NUP210L: variants seen among roughly 807,000 people sequenced by gnomAD.
NUP210L encodes the protein nuclear pore membrane glycoprotein 210-like.
A neutral mutation model predicts 208.5 loss-of-function variants in NUP210L; 74 were observed. The ratio of observed to expected loss-of-function variants is 0.35; its 90% confidence interval spans 0.29 to 0.43. The LOEUF (loss-of-function observed/expected upper bound fraction) is 0.43, where lower values mean the gene tolerates loss of function less well. NUP210L is among the 20% of genes least tolerant of loss of function. The probability of loss-of-function intolerance (pLI) is 1.00; values close to 1 mark genes in which losing one functional copy is unlikely to be tolerated. For synonymous variants in NUP210L, 780 were observed against 816.9 expected (o/e 0.95, Z 0.77); for missense variants, 1,843 against 2,289.4 (o/e 0.81, Z 3.98).
At chr1:154,138,080 A>G (rs1658637683) in intron 6 of NUP210L, 26 bp downstream of exon 6, 3 of 1,456,212 alleles carry the variant, frequency 2.1e-6, no homozygotes, top group Non-Finnish European at 1.8e-6. Flanking sequence ...AATGTGAGTC[A>G]TAGGAGAAAA....
chr1:154,023,044 C>T (rs1029630146), intron 31 of NUP210L, 78 bp downstream of exon 31: 9 of 1,326,168 alleles, frequency 6.8e-6, no homozygotes, highest in African/African-American at 4.6e-5. Flanking sequence ...GAGGAATTTA[C>T]TGGAGCTGCT....
At chr1:154,104,868 G>T (rs368302956) in intron 12 of NUP210L, among the ~76,000 whole-genome samples, 4 of 151,912 alleles carry the variant, frequency 2.6e-5, no homozygotes, top group African/African-American at 9.7e-5. Context: ...GGATGCATAT[G>T]ACCTAGTGAG....
At chr1:154,031,475 A>G (rs1233637459) in intron 27 of NUP210L, among the ~76,000 whole-genome samples, 2 of 152,066 alleles carry the variant, frequency 1.3e-5, no homozygotes, top group Non-Finnish European at 2.9e-5. Context: ...TCATTTAATC[A>G]TTTAATCTAA....
exon 10 of NUP210L, chr1:154,126,387 A>G (rs755540820): frequency 6.8e-6 from 11 of 1,613,026 alleles, no homozygotes; most frequent in Non-Finnish European, 9.3e-6. Flanking sequence ...GGCTTTTACT[A>G]TATGGTAAGA....
At chr1:154,141,259 T>A (rs959722143) in intron 4 of NUP210L, among the ~76,000 whole-genome samples, 172 bp downstream of exon 4, 12 of 152,228 alleles carry the variant, frequency 7.9e-5, no homozygotes, top group African/African-American at 2.7e-4. Context: ...GGTACCTACA[T>A]CTATGTCATA....
At chr1:153,995,785 A>C (rs969657927) in intron 37 of NUP210L, 8 of 662,278 alleles carry the variant, frequency 1.2e-5, no homozygotes, top group East Asian at 3.2e-5. Flanking sequence ...GTGCCCAGGC[A>C]GACTTCAAGG....
At chr1:154,037,555 T>C (rs1318186057) in intron 27 of NUP210L, among the ~76,000 whole-genome samples, 2 of 152,204 alleles carry the variant, frequency 1.3e-5, no homozygotes, top group African/African-American at 4.8e-5. Context: ...CTCTTTATTT[T>C]CAGTCTATGT....
chr1:154,082,878 G>T (rs528794030), intron 16 of NUP210L, among the ~76,000 whole-genome samples: 1 of 151,936 alleles, frequency 6.6e-6, no homozygotes, highest in South Asian at 2.1e-4. Flanking sequence ...TCATCATCTC[G>T]CTGGCTTCAG....
At chr1:154,081,276 C>G (rs1205908867) in intron 16 of NUP210L, among the ~76,000 whole-genome samples, 1 of 151,006 alleles carries the variant, frequency 6.6e-6, no homozygotes, top group African/African-American at 2.4e-5. Context: ...CAAAAGAGAG[C>G]TGAGGTAGTT....
At chr1:154,151,817 G>A (rs540075502) in intron 2 of NUP210L, among the ~76,000 whole-genome samples, 7 of 152,022 alleles carry the variant, frequency 4.6e-5, no homozygotes, top group East Asian at 3.9e-4. Flanking sequence ...GTCCGGGCAC[G>A]GTGGCTCACA....
At chr1:154,098,950 G>T (rs1047468944) in intron 14 of NUP210L, among the ~76,000 whole-genome samples, 2 of 152,194 alleles carry the variant, frequency 1.3e-5, no homozygotes, top group South Asian at 4.1e-4. Context: ...TCCTATGCTT[G>T]TTGGTGCCCA....
intron 12 of NUP210L, among the ~76,000 whole-genome samples, chr1:154,111,516 C>A (rs2148081651): frequency 6.6e-6 from 1 of 151,444 alleles, no homozygotes; most frequent in East Asian, 1.9e-4. Context: ...CAATTATATG[C>A]CAATAAATTG....
chr1:154,153,739 C>G (rs1310409874), intron 1 of NUP210L, among the ~76,000 whole-genome samples: 1 of 152,210 alleles, frequency 6.6e-6, no homozygotes, highest in African/African-American at 2.4e-5. Flanking sequence ...AGCCACCATG[C>G]CTGGCCTCAT....
intron 7 of NUP210L, among the ~76,000 whole-genome samples, chr1:154,135,415 G>C (rs776409895): frequency 2.0e-5 from 3 of 151,614 alleles, no homozygotes; most frequent in Non-Finnish European, 2.9e-5. Flanking sequence ...CACTGTAGTA[G>C]TATTATAATC....
intron 16 of NUP210L, among the ~76,000 whole-genome samples, chr1:154,076,382 A>G (rs1430244693): frequency 6.6e-6 from 1 of 152,112 alleles, no homozygotes; most frequent in Non-Finnish European, 1.5e-5. Flanking sequence ...GATTACAAAC[A>G]TGAGCCACTG....
At chr1:154,070,150 T>G in intron 17 of NUP210L, 123 bp downstream of exon 17, 1 of 722,100 alleles carries the variant, frequency 1.4e-6, no homozygotes, top group Non-Finnish European at 2.3e-6. Context: ...TGTATACATA[T>G]GTAACAAACC....
intron 35 of NUP210L, 127 bp downstream of exon 35, chr1:154,009,845 C>T: frequency 2.8e-6 from 2 of 715,538 alleles, no homozygotes; most frequent in Non-Finnish European, 4.1e-6. Context: ...AAAAATGTTG[C>T]CTGACAAAGA....
rs1182570753 is a variant in NUP210L at position 154,114,265 on chromosome 1, C to G, written c.1620+3460G>C. Among the ~76,000 whole-genome samples, 11 of 152,154 alleles carry G rather than the reference C, an allele frequency of 7.2e-5. No homozygotes were observed. In the South Asian group the frequency reaches 2.3e-3, roughly 32 times the overall value. ...CCACGATTGTGCCACTGCATTGAACCTGGGCAACAGAAACCCCATCTCAAA... is the reference window on the plus strand; with the variant it reads ...CCACGATTGTGCCACTGCATTGAACGTGGGCAACAGAAACCCCATCTCAAA... On this transcript the variant is annotated intron_variant, in intron 12 of 39. Transcript: ENST00000368559.
chr1:154,140,666 C>CAAAAAAAAAAAAAAAAAAAAAAAAAA (rs1434093544), intron 4 of NUP210L, among the ~76,000 whole-genome samples: 8 of 102,418 alleles, frequency 7.8e-5, no homozygotes, highest in Non-Finnish European at 1.3e-4. Context: ...GACTCCATCT[C>CAAAAAAAAAAAAAAAAAAAAAAAAAA]AAAAAAAAAA....
Sources: allele counts gnomAD v4.1 joint callset (sites outside exome capture counted in the v4.1 genomes callset), GRCh38; gene constraint gnomAD v4.1.1; transcripts MANE v1.5; gene names NCBI Gene and HGNC (gene_info 2026-07-23, HGNC 2026-07-21).